The following KLHL29 variants were observed in gnomAD, a reference collection of about 807,000 sequenced individuals.
The protein encoded by KLHL29 is kelch-like protein 29.
A neutral mutation model predicts 80.4 loss-of-function variants in KLHL29; 21 were observed. That is an observed-to-expected ratio of 0.26 (90% CI 0.19 to 0.38). The LOEUF (loss-of-function observed/expected upper bound fraction) is 0.38. Ranked by LOEUF, KLHL29 falls within the 10% of genes least tolerant of loss-of-function variation. The pLI, the probability that KLHL29 is intolerant of heterozygous loss-of-function variation, is 1.00. For synonymous variants in KLHL29, 511 were observed against 526.8 expected (o/e 0.97, Z 0.41); for missense variants, 867 against 1,223.9 (o/e 0.71, Z 4.35).
intron 5 of KLHL29, 149 bp downstream of exon 5, chr2:23,642,999 C>A: frequency 1.1e-6 from 1 of 935,376 alleles, no homozygotes; most frequent in Non-Finnish European, 1.7e-6. Context: ...CTCCACCTGC[C>A]CAAGACAACT....
chr2:23,397,659 G>A lies in KLHL29; in HGVS notation c.-154+11879G>A, dbSNP rs541722052. On this transcript the variant is annotated intron_variant, in intron 1 of 13. Transcript: ENST00000486442. ...GACCAGTGCTGAGATGGGGTTGGGT[G>A]GAGGATGTGAGACACTGCTGCCTGG... Among the ~76,000 whole-genome samples, 5 of 152,366 alleles carry A rather than the reference G, an allele frequency of 3.3e-5. No homozygotes were observed. The South Asian group carries it at 8.3e-4, about 25-fold the overall frequency.
At chr2:23,531,744 C>G (rs1237220071) in intron 2 of KLHL29, among the ~76,000 whole-genome samples, 2 of 152,188 alleles carry the variant, frequency 1.3e-5, no homozygotes, top group Non-Finnish European at 1.5e-5. Flanking sequence ...AGCAACTGAT[C>G]CCAAGTTACA....
At chr2:23,430,794 G>A (rs1663149545) in intron 1 of KLHL29, among the ~76,000 whole-genome samples, 1 of 152,170 alleles carries the variant, frequency 6.6e-6, no homozygotes, top group Non-Finnish European at 1.5e-5. Context: ...ATAGTGAGCG[G>A]CCCTTGGGTA....
At chr2:23,525,747 C>A (rs1666294502) in intron 2 of KLHL29, among the ~76,000 whole-genome samples, 1 of 147,336 alleles carries the variant, frequency 6.8e-6, no homozygotes. Context: ...CCACCCGAGG[C>A]GAGCCAGCAG....
chr2:23,603,889 A>G lies in KLHL29; in HGVS notation c.286-35250A>G, dbSNP rs796823258. ...TTACGGGGTCCCCACTGGCCACCCAACATTGTCCCCGTCTCCTCCAGAGGG... is the reference window on the plus strand; with the variant it reads ...TTACGGGGTCCCCACTGGCCACCCAGCATTGTCCCCGTCTCCTCCAGAGGG... On this transcript the variant is annotated intron_variant, in intron 3 of 13. Coordinates refer to ENST00000486442, the MANE Select transcript of KLHL29 (RefSeq NM_052920.2). 1.1e-4 allele frequency among the ~76,000 whole-genome samples: 16 copies of G among 152,346 alleles called. 1 individual carries two copies. The highest frequency in any genetic ancestry group is 3.8e-4 in the African/African-American group (16 of 41,588).
intron 3 of KLHL29, among the ~76,000 whole-genome samples, chr2:23,610,614 A>T (rs1668835145): frequency 6.6e-6 from 1 of 152,144 alleles, no homozygotes; most frequent in African/African-American, 2.4e-5. Context: ...TGATCAGCAG[A>T]TTGCCTCTTG....
intron 11 of KLHL29, among the ~76,000 whole-genome samples, chr2:23,699,752 C>A (rs956140984): frequency 6.6e-6 from 1 of 152,192 alleles, no homozygotes; most frequent in Non-Finnish European, 1.5e-5. Context: ...ACACACTGGC[C>A]CCACCACACG....
intron 1 of KLHL29, among the ~76,000 whole-genome samples, chr2:23,427,361 T>C (rs1663031996): frequency 6.6e-6 from 1 of 152,236 alleles, no homozygotes; most frequent in Non-Finnish European, 1.5e-5. Context: ...TAACCTGAGC[T>C]GCCAGAAAAG....
At chr2:23,475,182 A>T (rs1228364386) in intron 1 of KLHL29, among the ~76,000 whole-genome samples, 4 of 152,020 alleles carry the variant, frequency 2.6e-5, no homozygotes, top group African/African-American at 9.7e-5. Context: ...GGAGTTTCTT[A>T]GTTTGGATTA....
At chr2:23,527,029 T>A (rs1235439734) in intron 2 of KLHL29, among the ~76,000 whole-genome samples, 1 of 152,016 alleles carries the variant, frequency 6.6e-6, no homozygotes, top group Admixed American at 6.5e-5. Flanking sequence ...GGTGGACATG[T>A]GTTGTGTCAC....
At chr2:23,676,659 G>A (rs1010247904) in intron 5 of KLHL29, among the ~76,000 whole-genome samples, 1 of 152,214 alleles carries the variant, frequency 6.6e-6, no homozygotes, top group African/African-American at 2.4e-5. Context: ...TGAGGCTTAA[G>A]GAATGGATGG....
intron 3 of KLHL29, among the ~76,000 whole-genome samples, chr2:23,597,521 T>G (rs1380353125): frequency 6.8e-6 from 1 of 146,426 alleles, no homozygotes; most frequent in Non-Finnish European, 1.5e-5. Flanking sequence ...CCTCCCAGGT[T>G]CAAGTGATTC....
At chr2:23,701,879 C>T (rs1422945829) in intron 11 of KLHL29, among the ~76,000 whole-genome samples, 2 of 150,184 alleles carry the variant, frequency 1.3e-5, no homozygotes, top group Non-Finnish European at 2.9e-5. Context: ...TGGCTCACCG[C>T]AGCCTCTGCC....
intron 1 of KLHL29, among the ~76,000 whole-genome samples, chr2:23,420,091 C>T (rs957990364): frequency 1.3e-5 from 2 of 152,184 alleles, no homozygotes; most frequent in East Asian, 1.9e-4. Flanking sequence ...GGGGGTCCTA[C>T]GTCAGCATGT....
chr2:23,462,563 A>G (rs918342673), intron 1 of KLHL29, among the ~76,000 whole-genome samples: 1 of 152,194 alleles, frequency 6.6e-6, no homozygotes, highest in Non-Finnish European at 1.5e-5. Flanking sequence ...CTCATCTGCA[A>G]AATATAGGGG....
At chr2:23,608,532 A>G (rs1211901359) in intron 3 of KLHL29, among the ~76,000 whole-genome samples, 2 of 152,028 alleles carry the variant, frequency 1.3e-5, no homozygotes, top group Non-Finnish European at 2.9e-5. Context: ...ATTCAAAGTT[A>G]GAGCTATAAT....
chr2:23,591,842 CT>C (rs1327818434), intron 3 of KLHL29, among the ~76,000 whole-genome samples: 4 of 152,240 alleles, frequency 2.6e-5, no homozygotes, highest in African/African-American at 9.6e-5. Flanking sequence ...GGCAGCCCCC[CT>C]GGGAGCGGTG....
At chr2:23,501,191 C>T (rs757377249) in intron 2 of KLHL29, among the ~76,000 whole-genome samples, 21 of 152,042 alleles carry the variant, frequency 1.4e-4, no homozygotes, top group Middle Eastern at 3.2e-3. Flanking sequence ...AACTCTTCCC[C>T]GCGTGAACAC....
chr2:23,496,806 A>T (rs562809639), intron 2 of KLHL29, among the ~76,000 whole-genome samples: 1 of 152,354 alleles, frequency 6.6e-6, no homozygotes, highest in South Asian at 2.1e-4. Context: ...AGACTTCTGC[A>T]TCCATACATA....
Sources: allele counts gnomAD v4.1 joint callset (sites outside exome capture counted in the v4.1 genomes callset), GRCh38; gene constraint gnomAD v4.1.1; transcripts MANE v1.5; gene names NCBI Gene and HGNC (gene_info 2026-07-23, HGNC 2026-07-21).